WDR37: variants seen among roughly 807,000 people sequenced by gnomAD.
WDR37 encodes WD repeat domain 37, also known as WD repeat-containing protein 37.
A neutral mutation model predicts 62.9 loss-of-function variants in WDR37; 19 were observed. The observed-to-expected ratio is 0.30, with a 90% CI of 0.21 to 0.44. The LOEUF is 0.44. Among genes scored for constraint, WDR37 ranks in the 20% least tolerant of loss-of-function variants. WDR37 has a pLI of 1.00. For synonymous variants in WDR37, 250 were observed against 260.9 expected (o/e 0.96, Z 0.40); for missense variants, 474 against 657.6 (o/e 0.72, Z 3.05).
rs1254517712 is a variant in WDR37 at position 1,127,656 on chromosome 10, G to A, written c.1354-1557G>A. On this transcript the variant is annotated intron_variant, in intron 13 of 13. Transcript: ENST00000263150. Reference sequence around the variant, plus strand: ...GGAGAGTCAGGAGGTCCGGGGTCAGGGTTCCTGTGAAGAGCAGGCTCATTG... The same window carrying A: ...GGAGAGTCAGGAGGTCCGGGGTCAGAGTTCCTGTGAAGAGCAGGCTCATTG... Among the ~76,000 whole-genome samples the A allele has an allele frequency of 2.6e-5, 4 of 152,352 alleles. No homozygotes were observed. In the South Asian group the frequency reaches 8.3e-4, roughly 32 times the overall value.
chr10:1,058,813 T>C (rs572921561), intron 1 of WDR37, among the ~76,000 whole-genome samples: 1 of 152,394 alleles, frequency 6.6e-6, no homozygotes, highest in East Asian at 1.9e-4. Flanking sequence ...ACAGTGTTAT[T>C]ACGATAAAAT....
chr10:1,062,721 G>T (rs984357986), intron 1 of WDR37, among the ~76,000 whole-genome samples: 2 of 152,134 alleles, frequency 1.3e-5, no homozygotes, highest in Non-Finnish European at 2.9e-5. Context: ...TTCTGCTTGC[G>T]GAAAGATGGA....
chr10:1,102,307 C>T (rs555427153), intron 9 of WDR37, among the ~76,000 whole-genome samples: 2 of 152,030 alleles, frequency 1.3e-5, no homozygotes, highest in African/African-American at 4.8e-5. Context: ...CGTGCGTTCC[C>T]GTGCTGCTGT....
chr10:1,087,918 G>T (rs1314385440), intron 7 of WDR37, among the ~76,000 whole-genome samples: 4 of 152,240 alleles, frequency 2.6e-5, no homozygotes, highest in African/African-American at 9.6e-5. Context: ...TTCAAAACCT[G>T]TTGTTTAGAG....
intron 3 of WDR37, among the ~76,000 whole-genome samples, chr10:1,078,437 A>G (rs1242628666): frequency 6.6e-5 from 10 of 152,214 alleles, no homozygotes; most frequent in Admixed American, 5.9e-4. Context: ...ATGTGCTTAA[A>G]AATTTATCAG....
In WDR37 at chr10:1,129,557, T is replaced by C. The variant is rs1295740879; in HGVS notation, c.*213T>C. The C allele has an allele frequency of 1.6e-6, 1 of 612,576 alleles. No individual in the cohort carries two copies. The highest frequency in any genetic ancestry group is 3.4e-5 in the East Asian group (1 of 29,218). 37.9% of individuals were successfully genotyped at this position (612,576 alleles called of 1,614,324 possible). ...TTTTGTCTTGTATATGTATGTATATTGGGTCCTCTGGGCAGTAGAGGCAAA... is the reference window on the plus strand; with the variant it reads ...TTTTGTCTTGTATATGTATGTATATCGGGTCCTCTGGGCAGTAGAGGCAAA... On this transcript the variant is annotated 3_prime_UTR_variant, in exon 14 of 14. Coordinates refer to ENST00000263150, the MANE Select transcript of WDR37 (RefSeq NM_014023.4).
intron 11 of WDR37, among the ~76,000 whole-genome samples, chr10:1,120,660 G>T (rs59686718): frequency 2.0e-5 from 3 of 152,080 alleles, no homozygotes; most frequent in Non-Finnish European, 4.4e-5. Context: ...ACACACAGGC[G>T]TGCTCCTCAG....
Position 1,093,568 on chromosome 10 carries a change from A to G in WDR37, c.649+72A>G, listed in dbSNP as rs573982304. On this transcript the variant is annotated intron_variant, in intron 8 of 13. Transcript: ENST00000263150. Reference sequence around the variant, plus strand: ...AAACAACTATAAATATTCCTTTCTTATCGTAGCAGAATAATCCATGGCTTT... The same window carrying G: ...AAACAACTATAAATATTCCTTTCTTGTCGTAGCAGAATAATCCATGGCTTT... The G allele has an allele frequency of 5.6e-5, 70 of 1,240,940 alleles. No homozygotes were observed. In the African/African-American group the frequency reaches 9.9e-4, roughly 18 times the overall value. The allele number at this position is 1,240,940 out of a possible 1,614,324, so 76.9% of individuals were successfully genotyped here.
At position 1,081,114 on chromosome 10, in the gene WDR37, A is replaced by G. The variant is rs115302690; in HGVS notation, c.396+638A>G. Among the ~76,000 whole-genome samples, 1,136 of 152,354 alleles carry G rather than the reference A, an allele frequency of 7.5e-3. 18 individuals carry two copies. The highest frequency in any genetic ancestry group is 0.026 in the African/African-American group (1,071 of 41,590). On this transcript the variant is annotated intron_variant, in intron 5 of 13. Coordinates refer to ENST00000263150, the MANE Select transcript of WDR37 (RefSeq NM_014023.4). Reference sequence around the variant, plus strand: ...ATTAGTGAAAATTATGTTCTGAGCTAAAGTTACATTTTAGTTCATTATGTT... The same window carrying G: ...ATTAGTGAAAATTATGTTCTGAGCTGAAGTTACATTTTAGTTCATTATGTT...
intron 6 of WDR37, among the ~76,000 whole-genome samples, chr10:1,084,839 C>G (rs1834150188): frequency 6.6e-6 from 1 of 152,248 alleles, no homozygotes; most frequent in Non-Finnish European, 1.5e-5. Context: ...TGCACCCTGT[C>G]TTTTCCAGGT....
intron 8 of WDR37, 121 bp from the exon 9 acceptor site, chr10:1,096,049 C>T (rs1002926653): frequency 1.7e-5 from 14 of 830,622 alleles, no homozygotes; most frequent in African/African-American, 1.4e-4. Flanking sequence ...GTACATTCCT[C>T]TCACTAAGTG....
intron 1 of WDR37, among the ~76,000 whole-genome samples, chr10:1,063,430 C>T (rs537588697): frequency 1.3e-5 from 2 of 152,094 alleles, no homozygotes; most frequent in South Asian, 4.1e-4. Flanking sequence ...AAGTACTTTC[C>T]TCCAGCTAAA....
At chr10:1,063,974 C>T (rs1833457364) in intron 1 of WDR37, among the ~76,000 whole-genome samples, 1 of 152,240 alleles carries the variant, frequency 6.6e-6, no homozygotes. Context: ...AAGAAAAGAC[C>T]ACTGATGCCA....
Position 1,130,734 on chromosome 10 carries a change from T to C in WDR37, c.*1390T>C, listed in dbSNP as rs1261124844. Reference sequence around the variant, plus strand: ...CTTTGTGTTTTGCCCTGTTTTACGGTGAGGTAGGAGGGAACCCATCTGGGG... The same window carrying C: ...CTTTGTGTTTTGCCCTGTTTTACGGCGAGGTAGGAGGGAACCCATCTGGGG... On this transcript the variant is annotated 3_prime_UTR_variant, in exon 14 of 14. Transcript: ENST00000263150. The C allele has an allele frequency of 6.6e-6, 1 of 152,088 alleles. No individual in the cohort carries two copies. Among genetic ancestry groups the C allele is most frequent in the African/African-American group, 2.4e-5 (1 of 41,392 alleles). The allele number at this position is 152,088 out of a possible 1,614,324, so 9.4% of individuals were successfully genotyped here.
chr10:1,067,955 G>A (rs1210378806), intron 1 of WDR37, among the ~76,000 whole-genome samples: 2 of 152,156 alleles, frequency 1.3e-5, no homozygotes, highest in East Asian at 3.9e-4. Flanking sequence ...ATTATTTTAA[G>A]TGAAATAAGC....
intron 11 of WDR37, among the ~76,000 whole-genome samples, chr10:1,115,030 GTTTTTTT>G (rs199799863): frequency 2.1e-5 from 3 of 142,546 alleles, no homozygotes; most frequent in Admixed American, 2.1e-4. Context: ...TCCCTTTTTT[GTTTTTTT>G]TTTTTTGTTG....
chr10:1,106,771 C>T (rs1407262525), intron 11 of WDR37, among the ~76,000 whole-genome samples: 1 of 152,166 alleles, frequency 6.6e-6, no homozygotes, highest in Non-Finnish European at 1.5e-5. Context: ...CCTGCCTCAG[C>T]CTACCAAAGT....
intron 1 of WDR37, among the ~76,000 whole-genome samples, chr10:1,069,407 T>TGCA (rs1833663971): frequency 9.7e-6 from 1 of 103,108 alleles, no homozygotes; most frequent in African/African-American, 3.2e-5. Flanking sequence ...TTTTTTTTTT[T>TGCA]GCAGCAGGTG....
At chr10:1,099,964 G>T (rs999916633) in intron 9 of WDR37, among the ~76,000 whole-genome samples, 2 of 129,478 alleles carry the variant, frequency 1.5e-5, no homozygotes, top group Non-Finnish European at 3.5e-5. Context: ...ACTGATGGTG[G>T]GCGTGGTGGA....
Sources: allele counts gnomAD v4.1 joint callset (sites outside exome capture counted in the v4.1 genomes callset), GRCh38; gene constraint gnomAD v4.1.1; transcripts MANE v1.5; gene names NCBI Gene and HGNC (gene_info 2026-07-23, HGNC 2026-07-21).